The following AK9 variants were observed in gnomAD, a reference collection of about 807,000 sequenced individuals.
AK9 encodes the protein adenylate kinase 9.
In AK9, 191 loss-of-function variants were observed where a neutral mutation model predicts 239.6. The observed-to-expected ratio is 0.80, with a 90% CI of 0.71 to 0.90. AK9 has a LOEUF of 0.90. Among genes scored for constraint, AK9 ranks in the 40% least tolerant of loss-of-function variants. The pLI is 0.00. For synonymous variants in AK9, 689 were observed against 721.0 expected (o/e 0.96, Z 0.71); for missense variants, 1,995 against 2,214.7 (o/e 0.90, Z 1.99).
Position 109,659,210 on chromosome 6 carries a change from T to C in AK9, c.630+18A>G, listed in dbSNP as rs374012588. 44 of 1,556,810 alleles carry C rather than the reference T, an allele frequency of 2.8e-5. No individual in the cohort carries two copies. In the African/African-American group the frequency reaches 3.6e-4, roughly 13 times the overall value. On this transcript the variant is annotated intron_variant, in intron 7 of 40. Transcript: ENST00000424296. ...TTTAAAAAGTGTAGTGTATGGTAGT[T>C]ACCTATTGAGATATTACCTCTTCTT... is the stretch of plus-strand genomic sequence containing the variant.
chr6:109,658,638 T>C (rs573164299), intron 7 of AK9, among the ~76,000 whole-genome samples: 3 of 152,168 alleles, frequency 2.0e-5, no homozygotes, highest in African/African-American at 4.8e-5. Flanking sequence ...TTTATGTTGA[T>C]TGTAAGTTGA....
intron 1 of AK9, among the ~76,000 whole-genome samples, chr6:109,683,561 C>A (rs970691925): frequency 1.3e-5 from 2 of 152,142 alleles, no homozygotes; most frequent in Non-Finnish European, 2.9e-5. Flanking sequence ...TCTCAGGATA[C>A]AAAATCGATG....
intron 38 of AK9, 115 bp from the exon 39 acceptor site, chr6:109,495,555 A>C (rs1776949698): frequency 3.0e-6 from 2 of 660,524 alleles, no homozygotes; most frequent in African/African-American, 3.7e-5. Flanking sequence ...GCACTGGAGA[A>C]AATGATACAA....
At chr6:109,527,247 G>A (rs1780642356) in intron 29 of AK9, among the ~76,000 whole-genome samples, 1 of 152,180 alleles carries the variant, frequency 6.6e-6, no homozygotes, top group Non-Finnish European at 1.5e-5. Context: ...GGATATTGAA[G>A]TGATTTCTAA....
chr6:109,645,797 C>A (rs1183916040), intron 8 of AK9, among the ~76,000 whole-genome samples: 1 of 152,206 alleles, frequency 6.6e-6, no homozygotes, highest in African/African-American at 2.4e-5. Flanking sequence ...CTTGGAGACA[C>A]CTCCCAGTAG....
chr6:109,577,868 CTTTT>C (rs1264285616), intron 20 of AK9, among the ~76,000 whole-genome samples: 11 of 146,890 alleles, frequency 7.5e-5, no homozygotes, highest in Admixed American at 4.2e-4. Flanking sequence ...TTCTTTCTTT[CTTTT>C]TCTTTCCTTC....
intron 32 of AK9, among the ~76,000 whole-genome samples, chr6:109,512,612 A>C (rs1778868243): frequency 6.6e-6 from 1 of 152,236 alleles, no homozygotes; most frequent in South Asian, 2.1e-4. Flanking sequence ...AAATTCCCTT[A>C]TCTCTCTTCT....
intron 6 of AK9, among the ~76,000 whole-genome samples, chr6:109,660,559 G>C (rs531404069): frequency 1.1e-4 from 17 of 152,200 alleles, no homozygotes; most frequent in Admixed American, 2.0e-4. Flanking sequence ...CTTTTGTTAG[G>C]CTTCCTAATT....
intron 12 of AK9, chr6:109,632,310 C>A: frequency 1.1e-5 from 11 of 985,704 alleles, no homozygotes; most frequent in African/African-American, 1.7e-5. Context: ...TTCCTTCTTG[C>A]ATAGGCAATC....
intron 20 of AK9, among the ~76,000 whole-genome samples, chr6:109,576,507 G>A (rs1290645031): frequency 6.9e-6 from 1 of 144,668 alleles, no homozygotes; most frequent in Non-Finnish European, 1.5e-5. Flanking sequence ...ACATAGCAGT[G>A]CTACTAATTT....
chr6:109,536,064 G>A (rs1781942346), intron 27 of AK9, among the ~76,000 whole-genome samples: 2 of 152,138 alleles, frequency 1.3e-5, no homozygotes, highest in Admixed American at 1.3e-4. Context: ...TGTTCTTTTG[G>A]CTTAGGATTA....
intron 3 of AK9, among the ~76,000 whole-genome samples, chr6:109,672,519 C>CA (rs1469616978): frequency 6.6e-6 from 1 of 151,846 alleles, no homozygotes; most frequent in East Asian, 1.9e-4. Flanking sequence ...TACATTCCTA[C>CA]AAAAAGTTAA....
At chr6:109,667,381 T>C (rs1162274549) in intron 5 of AK9, among the ~76,000 whole-genome samples, 1 of 152,058 alleles carries the variant, frequency 6.6e-6, no homozygotes. Context: ...ATTTGCTTAA[T>C]TATTTTTTCT....
intron 8 of AK9, among the ~76,000 whole-genome samples, chr6:109,651,886 A>G (rs1323518323): frequency 1.3e-5 from 2 of 152,194 alleles, no homozygotes; most frequent in Non-Finnish European, 2.9e-5. Flanking sequence ...GATCAATAAC[A>G]GGCTCTGAAA....
chr6:109,578,071 A>C (rs566098402), intron 20 of AK9, among the ~76,000 whole-genome samples: 134 of 151,878 alleles, frequency 8.8e-4, no homozygotes, highest in African/African-American at 3.2e-3. Context: ...AGCTGGGATT[A>C]CAGGCGTGCA....
intron 24 of AK9, among the ~76,000 whole-genome samples, chr6:109,554,577 G>T (rs1784754796): frequency 7.4e-6 from 1 of 135,272 alleles, no homozygotes; most frequent in Admixed American, 8.8e-5. Flanking sequence ...TGTAGCCCAG[G>T]ATGGAGTGCA....
intron 21 of AK9, among the ~76,000 whole-genome samples, chr6:109,572,033 T>C (rs548495140): frequency 7.2e-5 from 11 of 152,282 alleles, no homozygotes; most frequent in African/African-American, 2.6e-4. Flanking sequence ...ATAAGAACCA[T>C]AGGTGATTCT....
chr6:109,514,172 T>G (rs1303561617), intron 32 of AK9, 52 bp downstream of exon 32: 1 of 1,484,488 alleles, frequency 6.7e-7, no homozygotes, highest in African/African-American at 1.4e-5. Flanking sequence ...GTGCATTGGG[T>G]ACAAGCAGAT....
chr6:109,540,340 T>C (rs1158186475), intron 27 of AK9, among the ~76,000 whole-genome samples: 10 of 152,300 alleles, frequency 6.6e-5, no homozygotes, highest in South Asian at 4.2e-4. Flanking sequence ...CATGTTGCAA[T>C]TTGATCTCAG....
Sources: gnomAD v4.1 joint callset for allele counts (sites outside exome capture counted in the v4.1 genomes callset) on GRCh38, gnomAD v4.1.1 for gene constraint, MANE v1.5 for transcripts, NCBI Gene and HGNC (gene_info 2026-07-23, HGNC 2026-07-21) for gene names.